The following GALNT14 variants were observed in gnomAD, a reference collection of about 807,000 sequenced individuals.
The protein encoded by GALNT14 is polypeptide N-acetylgalactosaminyltransferase 14, also known as UDP-GalNAc:polypeptide N-acetylgalactosaminyltransferase 14.
In GALNT14, 60 loss-of-function variants were observed where a neutral mutation model predicts 77.5. That is an observed-to-expected ratio of 0.77 (90% CI 0.63 to 0.96). The LOEUF (loss-of-function observed/expected upper bound fraction) is 0.96, where lower values mean the gene tolerates loss of function less well. Among genes scored for constraint, GALNT14 ranks in the 40% least tolerant of loss-of-function variants. GALNT14 has a pLI of 0.00. For missense variants in GALNT14, 710 were observed against 731.0 expected, an observed-to-expected ratio of 0.97 and a Z score of 0.33; for synonymous variants, 280 against 281.7, an observed-to-expected ratio of 0.99 and a Z score of 0.06.
chr2:30,981,725 C>A (rs1669002310), intron 2 of GALNT14, among the ~76,000 whole-genome samples: 1 of 152,102 alleles, frequency 6.6e-6, no homozygotes, highest in Non-Finnish European at 1.5e-5. Flanking sequence ...TTACTTAGTA[C>A]CTAAGCCAGT....
At chr2:30,954,068 C>T (rs968282975) in intron 6 of GALNT14, among the ~76,000 whole-genome samples, 1 of 152,016 alleles carries the variant, frequency 6.6e-6, no homozygotes, top group African/African-American at 2.4e-5. Context: ...TAGCTGGCCA[C>T]GCAGTCAGGA....
At chr2:31,047,839 G>C (rs1391949679) in intron 1 of GALNT14, among the ~76,000 whole-genome samples, 1 of 152,196 alleles carries the variant, frequency 6.6e-6, no homozygotes, top group African/African-American at 2.4e-5. Flanking sequence ...GGACAGGCTG[G>C]GATGGAGTCT....
intron 1 of GALNT14, among the ~76,000 whole-genome samples, chr2:31,049,931 C>A (rs1247109321): frequency 3.3e-5 from 5 of 151,936 alleles, no homozygotes; most frequent in Admixed American, 3.3e-4. Context: ...TCTTGGGGGG[C>A]AAAGTATGGA....
chr2:30,927,777 A>T (rs1211507363), intron 11 of GALNT14, among the ~76,000 whole-genome samples: 1 of 152,116 alleles, frequency 6.6e-6, no homozygotes, highest in Non-Finnish European at 1.5e-5. Flanking sequence ...ATCGAGGGAG[A>T]ACGCTAGCTA....
intron 1 of GALNT14, among the ~76,000 whole-genome samples, chr2:31,021,065 G>T (rs1169046153): frequency 6.6e-6 from 1 of 152,136 alleles, no homozygotes; most frequent in African/African-American, 2.4e-5. Context: ...TGGAGGGAAG[G>T]CAGGAGCACA....
At chr2:30,936,769 C>T (rs999021221) in intron 9 of GALNT14, among the ~76,000 whole-genome samples, 7 of 152,192 alleles carry the variant, frequency 4.6e-5, no homozygotes, top group African/African-American at 1.7e-4. Flanking sequence ...ATTTCACCCA[C>T]AGCTGGGACA....
At chr2:31,021,006 G>A (rs1671680549) in intron 1 of GALNT14, among the ~76,000 whole-genome samples, 1 of 152,190 alleles carries the variant, frequency 6.6e-6, no homozygotes, top group Non-Finnish European at 1.5e-5. Flanking sequence ...CCTTCTGCCA[G>A]CCACTGCTGT....
At chr2:31,130,484 T>C (rs1678920811) in intron 1 of GALNT14, among the ~76,000 whole-genome samples, 1 of 152,020 alleles carries the variant, frequency 6.6e-6, no homozygotes, top group Admixed American at 6.6e-5. Context: ...AAGGGGAGGA[T>C]GGAGCATGGA....
At chr2:31,007,771 T>G (rs1023841034) in intron 1 of GALNT14, among the ~76,000 whole-genome samples, 1 of 152,204 alleles carries the variant, frequency 6.6e-6, no homozygotes, top group Admixed American at 6.5e-5. Context: ...GTTATCCGTT[T>G]CCTTAGTGCA....
intron 1 of GALNT14, among the ~76,000 whole-genome samples, chr2:31,075,521 A>G (rs1021816999): frequency 5.9e-5 from 9 of 152,194 alleles, no homozygotes; most frequent in Non-Finnish European, 1.0e-4. Context: ...ATGATGCAGA[A>G]TGTGTGTCAC....
intron 1 of GALNT14, among the ~76,000 whole-genome samples, chr2:31,024,539 G>A (rs1671926769): frequency 6.6e-6 from 1 of 152,096 alleles, no homozygotes; most frequent in African/African-American, 2.4e-5. Context: ...GAATGCATTA[G>A]ATTCTGCATG....
Position 30,924,169 on chromosome 2 carries a change from G to C in GALNT14, c.1330C>G (p.Leu444Val). ...QRQNNQETPNLKLSPCAKVKG... is the reference protein window; with the variant it reads ...QRQNNQETPNVKLSPCAKVKG... ...ACCTTGGCACAGGGGCTCAACTTTA[G>C]GTTTGGGGTTTCTTGGTTGTTCTGC... Residue 444 changes from leucine to valine, a missense_variant, in exon 13 of 15, where the codon CTA becomes GTA. By Grantham distance (32) the Leu-to-Val change is conservative (BLOSUM62 1). Transcript: ENST00000349752. 1 of 1,614,248 alleles carries C rather than the reference G, an allele frequency of 6.2e-7. No homozygotes were observed. The highest frequency in any genetic ancestry group is 8.5e-7 in the Non-Finnish European group (1 of 1,180,046).
At chr2:30,940,423 T>C (rs1194427453) in intron 9 of GALNT14, among the ~76,000 whole-genome samples, 2 of 152,218 alleles carry the variant, frequency 1.3e-5, no homozygotes, top group African/African-American at 4.8e-5. Context: ...CTACAAGCCC[T>C]GACAGACAGA....
the GALNT14 span, among the ~76,000 whole-genome samples, chr2:30,888,969 T>C: frequency 6.6e-6 from 1 of 150,458 alleles, no homozygotes; most frequent in African/African-American, 2.4e-5. Flanking sequence ...TCTTGTTATC[T>C]CCCAGTGTAA....
chr2:31,081,829 CTA>C (rs889421396), intron 1 of GALNT14, among the ~76,000 whole-genome samples: 3 of 151,832 alleles, frequency 2.0e-5, no homozygotes, highest in East Asian at 1.9e-4. Flanking sequence ...TGAAGGAAAA[CTA>C]TTGATTTAAT....
chr2:30,967,805 G>A (rs561891796), intron 2 of GALNT14, among the ~76,000 whole-genome samples: 1 of 152,172 alleles, frequency 6.6e-6, no homozygotes, highest in African/African-American at 2.4e-5. Context: ...AGCTTCCTCT[G>A]GTTTGAATCC....
intron 3 of GALNT14, among the ~76,000 whole-genome samples, chr2:30,958,685 A>T (rs1189127687): frequency 6.6e-6 from 1 of 152,170 alleles, no homozygotes; most frequent in Non-Finnish European, 1.5e-5. Context: ...CCCAGACAGA[A>T]GCCCAGGAGT....
At chr2:31,111,683 G>GCCTTTTTA (rs1677843636) in intron 1 of GALNT14, among the ~76,000 whole-genome samples, 5 of 152,124 alleles carry the variant, frequency 3.3e-5, no homozygotes, top group South Asian at 2.1e-4. Context: ...TCCCTTTTCA[G>GCCTTTTTA]CCTTTTAAAG....
At chr2:30,953,562 C>T (rs1177353040) in intron 6 of GALNT14, among the ~76,000 whole-genome samples, 1 of 152,176 alleles carries the variant, frequency 6.6e-6, no homozygotes, top group Admixed American at 6.5e-5. Flanking sequence ...TCCACCTTGG[C>T]CTCCCAAAGT....
Sources: gnomAD v4.1 joint callset for allele counts (sites outside exome capture counted in the v4.1 genomes callset) on GRCh38, gnomAD v4.1.1 for gene constraint, MANE v1.5 for transcripts, NCBI Gene and HGNC (gene_info 2026-07-23, HGNC 2026-07-21) for gene names.